Variants in SMARCC1 observed in about 807,000 individuals in gnomAD.
SMARCC1 encodes the protein SWI/SNF complex subunit SMARCC1.
In SMARCC1, 43 loss-of-function variants were observed where a neutral mutation model predicts 147.4. The ratio of observed to expected loss-of-function variants is 0.29; its 90% CI spans 0.23 to 0.38. SMARCC1 has a LOEUF of 0.38. SMARCC1 is among the 10% of genes least tolerant of loss of function. The pLI is 1.00. For missense variants in SMARCC1, 1,119 were observed against 1,381.1 expected (o/e 0.81, Z 3.01); for synonymous variants, 495 against 484.4 (o/e 1.02, Z -0.29).
chr3:47,753,712 CAAAAAAAAA>C (rs71070226), intron 2 of SMARCC1, among the ~76,000 whole-genome samples: 1 of 69,606 alleles, frequency 1.4e-5, no homozygotes, highest in South Asian at 6.2e-4. Flanking sequence ...AACTCCATCT[CAAAAAAAAA>C]AAAAAAAAAA....
intron 24 of SMARCC1, among the ~76,000 whole-genome samples, chr3:47,625,805 A>G (rs1342188329): frequency 2.0e-5 from 3 of 152,198 alleles, no homozygotes; most frequent in Non-Finnish European, 4.4e-5. Flanking sequence ...CACAAATGAT[A>G]AAAGAGAAAA....
intron 12 of SMARCC1, 130 bp downstream of exon 12, chr3:47,693,110 TG>T: frequency 1.5e-6 from 1 of 647,906 alleles, no homozygotes; most frequent in Non-Finnish European, 2.8e-6. Flanking sequence ...TTTAAAGCTG[TG>T]GTGAGCTATA....
intron 1 of SMARCC1, among the ~76,000 whole-genome samples, chr3:47,779,522 T>C (rs1007038748): frequency 6.6e-6 from 1 of 152,206 alleles, no homozygotes; most frequent in African/African-American, 2.4e-5. Context: ...AAATACACTC[T>C]GGCTTTACAA....
intron 2 of SMARCC1, among the ~76,000 whole-genome samples, chr3:47,753,626 C>T (rs1269737898): frequency 2.1e-5 from 3 of 145,876 alleles, no homozygotes; most frequent in South Asian, 2.2e-4. Flanking sequence ...AGGCAGGAAT[C>T]GCTTGAATTC....
intron 21 of SMARCC1, among the ~76,000 whole-genome samples, chr3:47,651,050 A>T (rs2033183287): frequency 6.6e-6 from 1 of 152,178 alleles, no homozygotes; most frequent in South Asian, 2.1e-4. Context: ...CACGTCTGCA[A>T]TCCCAGCTCT....
At chr3:47,726,890 CT>C (rs537934928) in intron 6 of SMARCC1, among the ~76,000 whole-genome samples, 190 of 150,438 alleles carry the variant, frequency 1.3e-3, no homozygotes, top group African/African-American at 2.1e-3. Flanking sequence ...TTAAAATTTC[CT>C]TTTTTTTTCA....
chr3:47,763,909 G>A (rs921376617), intron 2 of SMARCC1, among the ~76,000 whole-genome samples: 6 of 150,632 alleles, frequency 4.0e-5, no homozygotes, highest in African/African-American at 9.8e-5. Flanking sequence ...TTTTGTAGAC[G>A]GCTCTCACCA....
intron 26 of SMARCC1, among the ~76,000 whole-genome samples, chr3:47,595,736 C>CTTT (rs1360902827): frequency 7.1e-6 from 1 of 140,120 alleles, no homozygotes; most frequent in Non-Finnish European, 1.6e-5. Flanking sequence ...GTTTCTTTTT[C>CTTT]TTTTTCTTTT....
intron 2 of SMARCC1, among the ~76,000 whole-genome samples, chr3:47,770,197 T>C (rs576047472): frequency 1.3e-5 from 2 of 151,330 alleles, no homozygotes; most frequent in South Asian, 2.1e-4. Context: ...CACTGCACTC[T>C]AGCCTGGGTG....
intron 2 of SMARCC1, among the ~76,000 whole-genome samples, chr3:47,765,956 C>A (rs866745472): frequency 2.1e-4 from 32 of 152,236 alleles, no homozygotes; most frequent in Admixed American, 1.4e-3. Flanking sequence ...TGGTTTCGAA[C>A]TCCTGACCTC....
chr3:47,678,450 A>C (rs1309929472), intron 15 of SMARCC1, 139 bp from the exon 16 acceptor site: 3 of 458,556 alleles, frequency 6.5e-6, no homozygotes, highest in Non-Finnish European at 1.2e-5. Context: ...TTGATATTAT[A>C]TTGCACATTT....
intron 1 of SMARCC1, among the ~76,000 whole-genome samples, chr3:47,774,719 A>T (rs2034954606): frequency 6.6e-6 from 1 of 151,962 alleles, no homozygotes; most frequent in Non-Finnish European, 1.5e-5. Context: ...AATTTTAAAA[A>T]CTTTAAAAAC....
chr3:47,588,089 T>A lies in SMARCC1; in HGVS notation c.*120A>T. ...GAGGAGTGGGGAGGCACGGGACACG[T>A]GCTTGGAGCTGTGAGAAGAAAAATC... On this transcript the variant is annotated 3_prime_UTR_variant, in exon 28 of 28. Coordinates refer to ENST00000254480, the MANE Select transcript of SMARCC1 (RefSeq NM_003074.4). 1.3e-6 allele frequency: 1 copy of A among 771,256 alleles called. No homozygotes were observed. The highest frequency in any genetic ancestry group is 2.6e-5 in the East Asian group (1 of 38,026). 47.8% of individuals were successfully genotyped at this position (771,256 alleles called of 1,614,324 possible). A position where few individuals can be genotyped will look rare whatever the true frequency, so the allele number is the denominator to read the frequency against.
intron 21 of SMARCC1, among the ~76,000 whole-genome samples, chr3:47,643,004 C>T (rs2033069084): frequency 6.6e-6 from 1 of 152,148 alleles, no homozygotes; most frequent in Non-Finnish European, 1.5e-5. Flanking sequence ...TTTGATCACA[C>T]CACTGTACTT....
intron 3 of SMARCC1, among the ~76,000 whole-genome samples, chr3:47,740,864 A>AC (rs2034501585): frequency 2.0e-5 from 3 of 151,622 alleles, no homozygotes; most frequent in African/African-American, 7.3e-5. Flanking sequence ...AAAAAAAAAA[A>AC]AAAAACAAAA....
intron 25 of SMARCC1, among the ~76,000 whole-genome samples, chr3:47,617,511 G>A (rs1397079127): frequency 6.6e-6 from 1 of 152,214 alleles, no homozygotes; most frequent in Non-Finnish European, 1.5e-5. Context: ...TGCATAACGG[G>A]AGGCATATAT....
intron 11 of SMARCC1, among the ~76,000 whole-genome samples, chr3:47,699,353 C>T (rs1160264078): frequency 6.6e-6 from 1 of 152,044 alleles, no homozygotes; most frequent in Non-Finnish European, 1.5e-5. Context: ...TTAATCCCTC[C>T]ATCTGGAGTT....
rs2034152799 is a variant in SMARCC1 at position 47,716,099 on chromosome 3, C to G, written c.717-1609G>C. ...ACAAGTATTAGCTTCCTTTTAGTCA[C>G]CATTCAGAGGTCAGTTCAAAAGAAT... On this transcript the variant is annotated intron_variant, in intron 7 of 27. Coordinates refer to ENST00000254480, the MANE Select transcript of SMARCC1 (RefSeq NM_003074.4). Among the ~76,000 whole-genome samples the G allele has an allele frequency of 2.0e-5, 3 of 151,146 alleles. No homozygotes were observed. The Admixed American group carries it at 2.0e-4, about 10-fold the overall frequency.
chr3:47,603,023 C>G (rs934977541), intron 26 of SMARCC1, among the ~76,000 whole-genome samples: 29 of 152,152 alleles, frequency 1.9e-4, no homozygotes, highest in African/African-American at 6.5e-4. Context: ...CAGAGCTTAC[C>G]ACTGTAATTA....
Sources: gnomAD v4.1 joint callset for allele counts (sites outside exome capture counted in the v4.1 genomes callset) on GRCh38, gnomAD v4.1.1 for gene constraint, MANE v1.5 for transcripts, NCBI Gene and HGNC (gene_info 2026-07-23, HGNC 2026-07-21) for gene names.